Variants in MMS19 observed in about 807,000 individuals in gnomAD.
The protein encoded by MMS19 is MMS19 nucleotide excision repair protein homolog.
MMS19 carries 77 observed loss-of-function variants against 129.8 expected under a neutral mutation model. That is an observed-to-expected ratio of 0.59 (90% CI 0.49 to 0.72). The LOEUF is 0.72. Among genes scored for constraint, MMS19 ranks in the 30% least tolerant of loss-of-function variants. The pLI is 0.00. For missense variants in MMS19, 1,168 were observed against 1,266.3 expected (o/e 0.92, Z 1.18); for synonymous variants, 491 against 502.8 (o/e 0.98, Z 0.31).
chr10:97,461,739 TA>T, intron 22 of MMS19, 88 bp downstream of exon 22: 1 of 1,544,754 alleles, frequency 6.5e-7, no homozygotes, highest in Non-Finnish European at 8.8e-7. Context: ...GTGGGGGAAG[TA>T]AAAGATCAGC....
At chr10:97,477,093 C>A in intron 6 of MMS19, 130 bp from the exon 7 acceptor site, 1 of 1,525,170 alleles carries the variant, frequency 6.6e-7, no homozygotes, top group East Asian at 2.3e-5. Context: ...TTTTCCATTC[C>A]AAGAAAGTAC....
intron 8 of MMS19, 90 bp downstream of exon 8, chr10:97,476,593 G>T: frequency 8.9e-7 from 1 of 1,118,332 alleles, no homozygotes; most frequent in Non-Finnish European, 1.3e-6. Flanking sequence ...TGTCTATTTT[G>T]GTGACCTGTA....
intron 18 of MMS19, among the ~76,000 whole-genome samples, chr10:97,464,734 C>T (rs2032992030): frequency 6.6e-6 from 1 of 151,304 alleles, no homozygotes; most frequent in African/African-American, 2.4e-5. Context: ...CTCCTGTTGC[C>T]CAGGTCAGGC....
intron 8 of MMS19, among the ~76,000 whole-genome samples, chr10:97,475,580 C>CA (rs3066029): frequency 2.0e-5 from 3 of 150,810 alleles, no homozygotes; most frequent in Non-Finnish European, 3.0e-5. Context: ...ACTAAAAATA[C>CA]AAAAAAAATT....
At chr10:97,462,785 G>C in intron 19 of MMS19, 103 bp from the exon 20 acceptor site, 1 of 838,042 alleles carries the variant, frequency 1.2e-6, no homozygotes, top group South Asian at 1.5e-5. Context: ...CTTGACTCTA[G>C]CCACGACAGC....
In MMS19 at chr10:97,469,057, G is replaced by A. The variant is rs2034145275; in HGVS notation, c.972C>T (p.Ala324=). 3 of 1,582,612 alleles carry A rather than the reference G, an allele frequency of 1.9e-6. No homozygotes were observed. Among genetic ancestry groups the A allele is most frequent in the Non-Finnish European group, 2.6e-6 (3 of 1,165,766 alleles). ...ACAAACACGCAGTCAGGGAGTGGAG[G>A]GCCGCCAGGCCCTCTGCCTCCACCC... ...SERVEAEGLA[A]LHSLTACLSR... The change falls in exon 12 of 31, where the codon GCC becomes GCT. Residue 324 remains alanine (A), a synonymous_variant. Transcript: ENST00000438925.
chr10:97,465,920 G>A lies in MMS19; in HGVS notation c.1641C>T (p.Thr547=), dbSNP rs747465012. Residue 547 remains threonine (T), a synonymous_variant, in exon 18 of 31, where the codon ACC becomes ACT. Transcript: ENST00000438925. The stretch of plus-strand genomic sequence containing the variant: ...GACAGCACAGATGCCGGGAGCATTG[G>A]GTGGGCTCATCTCCGTTAGTCAAAT... The part of the protein sequence containing the change: ...ESNLTNGDEP[T]QCSRHLCCLQ... 1.5e-5 allele frequency: 25 copies of A among 1,613,974 alleles called. No individual in the cohort carries two copies. Among genetic ancestry groups the A allele is most frequent in the Middle Eastern group, 1.6e-4 (1 of 6,062 alleles).
At chr10:97,464,719 C>A (rs2032989050) in intron 18 of MMS19, among the ~76,000 whole-genome samples, 2 of 148,514 alleles carry the variant, frequency 1.3e-5, no homozygotes, top group Non-Finnish European at 1.5e-5. Context: ...GGAGACAGGG[C>A]TTCACTCCTG....
intron 18 of MMS19, among the ~76,000 whole-genome samples, chr10:97,464,873 A>AT (rs1358491050): frequency 1.3e-5 from 2 of 151,314 alleles, no homozygotes; most frequent in Admixed American, 1.3e-4. Flanking sequence ...TAATTTTTGT[A>AT]TTTTTTGTAG....
At chr10:97,472,242 C>T (rs1291802822) in intron 8 of MMS19, among the ~76,000 whole-genome samples, 1 of 152,054 alleles carries the variant, frequency 6.6e-6, no homozygotes, top group Non-Finnish European at 1.5e-5. Context: ...GATAACTAGG[C>T]TTATTTATTT....
At position 97,469,669 on chromosome 10, in the gene MMS19, G is replaced by A; in HGVS notation, c.901C>T (p.Leu301Phe). The A allele has an allele frequency of 3.1e-6, 5 of 1,613,946 alleles. No individual in the cohort carries two copies. Among genetic ancestry groups the A allele is most frequent in the Non-Finnish European group, 4.2e-6 (5 of 1,179,862 alleles). ...ACCTCTCTGCGGATAGAAGCCCAAA[G>A]GCTGGGGAGGAAGTCCTTCAGTTCC... ...QKELKDFLPS[L>F]WASIRREVFQ... The change falls in exon 11 of 31, where the codon CTT (leucine) becomes TTT (phenylalanine). Residue 301 changes from leucine to phenylalanine, a missense_variant. Physicochemically the swap from Leu to Phe is conservative, Grantham distance 22 (BLOSUM62 0). Around this residue, in one of 3 missense-constraint regions of MMS19, gnomAD observed 831 missense variants for 910.8 expected, o/e 0.91. Transcript: ENST00000438925.
intron 2 of MMS19, 84 bp downstream of exon 2, chr10:97,484,019 C>T: frequency 1.2e-6 from 1 of 860,786 alleles, no homozygotes; most frequent in Non-Finnish European, 1.9e-6. Context: ...ATTCAGGCTC[C>T]AGGAAAGCAG....
chr10:97,467,479 A>C (rs1442313441), intron 14 of MMS19, 26 bp downstream of exon 14: 2 of 1,561,124 alleles, frequency 1.3e-6, no homozygotes, highest in Non-Finnish European at 1.8e-6. Flanking sequence ...CAGTCCCCAG[A>C]GCACTGCAAT....
chr10:97,472,955 T>G (rs1343701221), intron 8 of MMS19, among the ~76,000 whole-genome samples: 1 of 152,098 alleles, frequency 6.6e-6, no homozygotes, highest in East Asian at 1.9e-4. Flanking sequence ...ACTCCTGGCC[T>G]CAAGTGATTG....
At position 97,467,276 on chromosome 10, in the gene MMS19, G is replaced by A. The variant is rs545286509; in HGVS notation, c.1297+229C>T. 2.4e-4 allele frequency among the ~76,000 whole-genome samples: 36 copies of A among 152,306 alleles called. No individual in the cohort carries two copies. The East Asian group carries it at 4.6e-3, about 20-fold the overall frequency. On this transcript the variant is annotated intron_variant, in intron 14 of 30. Coordinates refer to ENST00000438925, the MANE Select transcript of MMS19 (RefSeq NM_022362.5). ...TTATAGGTGTGAGCCACCATGCCCC[G>A]CCTCCTGGGGCAGATTTAAAGAGCT...
rs746951545 is a variant in MMS19 at position 97,458,565 on chromosome 10, A to G, written c.*127T>C. ...TTGTACAGCCATGCAACAGAGGCCT[A>G]GCATTTGTGCTGTGTCTGTGGGAAA... is the stretch of plus-strand genomic sequence containing the variant. On this transcript the variant is annotated 3_prime_UTR_variant, in exon 31 of 31. Coordinates refer to ENST00000438925, the MANE Select transcript of MMS19 (RefSeq NM_022362.5). The G allele has an allele frequency of 3.5e-5, 30 of 864,560 alleles. No homozygotes were observed. The highest frequency in any genetic ancestry group is 5.1e-5 in the Non-Finnish European group (29 of 563,812). The allele number at this position is 864,560 out of a possible 1,614,324, so 53.6% of individuals were successfully genotyped here.
At chr10:97,488,053 C>A (rs2038220785) in intron 1 of MMS19, among the ~76,000 whole-genome samples, 1 of 152,048 alleles carries the variant, frequency 6.6e-6, no homozygotes, top group East Asian at 1.9e-4. Flanking sequence ...CGTGCCACTG[C>A]ACTCCAGCCT....
chr10:97,473,241 G>A (rs1401393329), intron 8 of MMS19, among the ~76,000 whole-genome samples: 1 of 151,832 alleles, frequency 6.6e-6, no homozygotes, highest in Non-Finnish European at 1.5e-5. Flanking sequence ...CCACCATGTT[G>A]GTCAGGCTAG....
intron 2 of MMS19, among the ~76,000 whole-genome samples, chr10:97,483,598 C>T (rs1016540104): frequency 6.6e-6 from 1 of 152,222 alleles, no homozygotes; most frequent in Non-Finnish European, 1.5e-5. Context: ...ACTACAAGCA[C>T]GTACTTCCTC....
Sources: allele counts gnomAD v4.1 joint callset (sites outside exome capture counted in the v4.1 genomes callset), GRCh38; gene constraint gnomAD v4.1.1; regional missense constraint gnomAD v4.1.1; transcripts MANE v1.5; gene names NCBI Gene and HGNC (gene_info 2026-07-23, HGNC 2026-07-21).